ADAMTS2: variants seen among roughly 807,000 people sequenced by gnomAD.
ADAMTS2 encodes the protein A disintegrin and metalloproteinase with thrombospondin motifs 2.
ADAMTS2 carries 50 observed loss-of-function variants against 123.0 expected under a neutral mutation model. That is an observed-to-expected ratio of 0.41 (90% CI 0.32 to 0.51). The LOEUF (loss-of-function observed/expected upper bound fraction) is 0.51, where lower values mean the gene tolerates loss of function less well. ADAMTS2 is among the 20% of genes least tolerant of loss of function. The probability of loss-of-function intolerance (pLI) is 0.35; values close to 1 mark genes in which losing one functional copy is unlikely to be tolerated. For missense variants in ADAMTS2, 1,494 were observed against 1,705.2 expected (o/e 0.88, Z 2.18); for synonymous variants, 678 against 695.4 (o/e 0.98, Z 0.39).
intron 10 of ADAMTS2, among the ~76,000 whole-genome samples, chr5:179,146,525 G>A (rs918105404): frequency 6.6e-6 from 1 of 152,198 alleles, no homozygotes; most frequent in Non-Finnish European, 1.5e-5. Context: ...GCTCCCTGGC[G>A]TCTTTGATGT....
At chr5:179,140,331 G>A (rs776022387) in intron 10 of ADAMTS2, among the ~76,000 whole-genome samples, 1 of 152,210 alleles carries the variant, frequency 6.6e-6, no homozygotes, top group Admixed American at 6.5e-5. Context: ...ACATGACGCC[G>A]CCAGGATAGA....
Position 179,155,126 on chromosome 5 carries a change from G to A in ADAMTS2, c.1133-207C>T, listed in dbSNP as rs1412482486. On this transcript the variant is annotated intron_variant, in intron 6 of 21. Coordinates refer to ENST00000251582, the MANE Select transcript of ADAMTS2 (RefSeq NM_014244.5). This position sits in a 1 kb window ranked among gnomAD's most constrained non-coding sequence, Gnocchi z 5.1. ...CTGGCTGACAGCAGGCCCCCAGCCC[G>A]TCACCACACAAGCCCCGTGGCCGTT... 2.6e-5 allele frequency among the ~76,000 whole-genome samples: 4 copies of A among 152,206 alleles called. No individual in the cohort carries two copies. Among genetic ancestry groups the A allele is most frequent in the African/African-American group, 9.6e-5 (4 of 41,462 alleles).
chr5:179,211,124 C>T (rs897980423), intron 3 of ADAMTS2, among the ~76,000 whole-genome samples: 1 of 152,248 alleles, frequency 6.6e-6, no homozygotes, highest in Non-Finnish European at 1.5e-5. Flanking sequence ...CACTTGGTCC[C>T]TCCAAGGCAG....
intron 3 of ADAMTS2, among the ~76,000 whole-genome samples, chr5:179,259,102 G>A (rs923547226): frequency 3.3e-4 from 50 of 152,034 alleles, no homozygotes; most frequent in East Asian, 1.9e-4. Context: ...CCTCCACGAC[G>A]GAGCCCACAG....
intron 3 of ADAMTS2, among the ~76,000 whole-genome samples, chr5:179,231,699 G>A (rs1322211120): frequency 1.3e-5 from 2 of 152,086 alleles, no homozygotes; most frequent in Non-Finnish European, 2.9e-5. Flanking sequence ...ATGGATCAAT[G>A]TCCAAAATTT....
In ADAMTS2 at chr5:179,260,122, G is replaced by A. The variant is rs764138050; in HGVS notation, c.688+12789C>T. Among the ~76,000 whole-genome samples the A allele has an allele frequency of 1.2e-4, 19 of 152,204 alleles. No homozygotes were observed. The highest frequency in any genetic ancestry group is 1.5e-4 in the Non-Finnish European group (10 of 68,018). ...TAGCAAAGGCCCAGGGCCACCCAAT[G>A]TCCCATGGGCCCATGGGACCAGTAG... On this transcript the variant is annotated intron_variant, in intron 3 of 21. Transcript: ENST00000251582. This position sits in a 1 kb window ranked among gnomAD's most constrained non-coding sequence, Gnocchi z 4.2.
chr5:179,136,088 C>T (rs1763063592), intron 12 of ADAMTS2, 46 bp from the exon 13 acceptor site: 1 of 1,612,756 alleles, frequency 6.2e-7, no homozygotes, highest in Non-Finnish European at 8.5e-7. Context: ...CTGATGGCTT[C>T]CCCATGTGTG....
chr5:179,335,818 G>A (rs915510327), intron 2 of ADAMTS2, among the ~76,000 whole-genome samples: 2 of 152,148 alleles, frequency 1.3e-5, no homozygotes, highest in Non-Finnish European at 1.5e-5. Context: ...AAACAGCCGC[G>A]TGGGAGGGAT....
rs1269715966 is a variant in ADAMTS2 at position 179,153,482 on chromosome 5, C to A, written c.1515+9G>T. ...TGGGAGGGTCCCGGCTGCAGGGCTG[C>A]ACACTCACCGCCGTGCACATCATGT... On this transcript the variant is annotated intron_variant, in intron 9 of 21. Transcript: ENST00000251582. 2.5e-6 allele frequency: 4 copies of A among 1,607,240 alleles called. No individual in the cohort carries two copies. Among genetic ancestry groups the A allele is most frequent in the African/African-American group, 1.3e-5 (1 of 75,046 alleles).
At chr5:179,159,060 GAA>G (rs1763544734) in intron 5 of ADAMTS2, among the ~76,000 whole-genome samples, 181 bp from the exon 6 acceptor site, 1 of 152,248 alleles carries the variant, frequency 6.6e-6, no homozygotes, top group Non-Finnish European at 1.5e-5. Flanking sequence ...TGACAGGGAA[GAA>G]AAGTTTCCCC....
intron 10 of ADAMTS2, among the ~76,000 whole-genome samples, chr5:179,141,520 C>T (rs1014017630): frequency 6.6e-6 from 1 of 152,076 alleles, no homozygotes; most frequent in Non-Finnish European, 1.5e-5. Context: ...CATTTAAAGT[C>T]TCTGGAAATT....
intron 2 of ADAMTS2, among the ~76,000 whole-genome samples, chr5:179,336,106 C>T (rs1396133009): frequency 6.6e-6 from 1 of 152,214 alleles, no homozygotes; most frequent in Non-Finnish European, 1.5e-5. Context: ...AGGCTGGTCC[C>T]CCCAACACGC....
In ADAMTS2 at chr5:179,305,313, G is replaced by A. The variant is rs142819515; in HGVS notation, c.535-32249C>T. On this transcript the variant is annotated intron_variant, in intron 2 of 21. Coordinates refer to ENST00000251582, the MANE Select transcript of ADAMTS2 (RefSeq NM_014244.5). ...AAAATATAACAGATTAGGCTCTTGCGTATTTTAAAGAGGAATGATAATGCT... is the reference window on the plus strand; with the variant it reads ...AAAATATAACAGATTAGGCTCTTGCATATTTTAAAGAGGAATGATAATGCT... Among the ~76,000 whole-genome samples the A allele has an allele frequency of 4.7e-3, 720 of 152,268 alleles. 4 individuals are homozygous for A. The highest frequency in any genetic ancestry group is 0.016 in the African/African-American group (676 of 41,570).
At chr5:179,207,489 T>A (rs753520255) in intron 4 of ADAMTS2, 24 bp downstream of exon 4, 479 of 469,270 alleles carry the variant, frequency 1.0e-3, no homozygotes, top group East Asian at 1.5e-3. Flanking sequence ...CGCCCCACCC[T>A]GCCCCCTCAG....
At position 179,253,847 on chromosome 5, in the gene ADAMTS2, T is replaced by C. The variant is rs530371338; in HGVS notation, c.688+19064A>G. 2.9e-4 allele frequency among the ~76,000 whole-genome samples: 44 copies of C among 152,264 alleles called. No homozygotes were observed. The South Asian group carries it at 9.1e-3, about 32-fold the overall frequency. On this transcript the variant is annotated intron_variant, in intron 3 of 21. Coordinates refer to ENST00000251582, the MANE Select transcript of ADAMTS2 (RefSeq NM_014244.5). ...GCCATGTCCACACCAACTCCAAATC[T>C]GATCATCGGCTCCAGTCCAGTCCCT...
intron 7 of ADAMTS2, 64 bp from the exon 8 acceptor site, chr5:179,154,256 C>T (rs1289880730): frequency 1.3e-6 from 2 of 1,533,446 alleles, no homozygotes; most frequent in Non-Finnish European, 1.7e-6. Context: ...CCCACCCCAC[C>T]CCGATGATAG....
chr5:179,275,769 G>A (rs1439044496), intron 2 of ADAMTS2, among the ~76,000 whole-genome samples: 2 of 152,220 alleles, frequency 1.3e-5, no homozygotes, highest in Non-Finnish European at 1.5e-5. Flanking sequence ...AGGTTATACC[G>A]ACTTCGGACG....
rs779256197 is a variant in ADAMTS2 at position 179,132,259 on chromosome 5, T to C, written c.2261A>G (p.Gln754Arg). The change falls in exon 15 of 22, where the codon CAG becomes CGG. Residue 754 changes from glutamine to arginine, a missense_variant. Gln to Arg is a conservative substitution (Grantham distance 43). Transcript: ENST00000251582. The surrounding 1 kb of genome is among the most constrained non-coding windows in gnomAD (Gnocchi z 6.1). ...ATGGTGGCTGGTGGCGTCTACCTCCTGAATGAGCAGGTGTCTGGCTCCTGC... is the reference window on the plus strand; with the variant it reads ...ATGGTGGCTGGTGGCGTCTACCTCCCGAATGAGCAGGTGTCTGGCTCCTGC... ...IPAGARHLLI[Q>R]EVDATSHHLA... 6.8e-6 allele frequency: 11 copies of C among 1,614,080 alleles called. No homozygotes were observed. The highest frequency in any genetic ancestry group is 9.3e-6 in the Non-Finnish European group (11 of 1,180,042).
intron 10 of ADAMTS2, among the ~76,000 whole-genome samples, chr5:179,140,432 C>CA (rs1442073495): frequency 6.6e-6 from 1 of 151,956 alleles, no homozygotes; most frequent in Non-Finnish European, 1.5e-5. Flanking sequence ...TTTATTTAAG[C>CA]AAAAAAGGCA....
Sources: allele counts gnomAD v4.1 joint callset (sites outside exome capture counted in the v4.1 genomes callset), GRCh38; gene constraint gnomAD v4.1.1; non-coding constraint Gnocchi (gnomAD v3.1); transcripts MANE v1.5; gene names NCBI Gene and HGNC (gene_info 2026-07-23, HGNC 2026-07-21).